KPNA1: variants seen among roughly 807,000 people sequenced by gnomAD.
KPNA1 encodes the protein importin subunit alpha-5.
In KPNA1, 10 loss-of-function variants were observed where a neutral mutation model predicts 70.5. The observed-to-expected ratio is 0.14, with a 90% CI of 0.09 to 0.24. KPNA1 has a LOEUF of 0.24. Ranked by LOEUF, KPNA1 falls within the 10% of genes least tolerant of loss-of-function variation. The probability of loss-of-function intolerance (pLI) is 1.00; values close to 1 mark genes in which losing one functional copy is unlikely to be tolerated. For synonymous variants in KPNA1, 192 were observed against 221.9 expected, an observed-to-expected ratio of 0.87 and a Z score of 1.20; for missense variants, 397 against 637.9, an observed-to-expected ratio of 0.62 and a Z score of 4.07.
chr3:122,504,096 T>C (rs144062606), intron 1 of KPNA1, among the ~76,000 whole-genome samples: 62 of 152,354 alleles, frequency 4.1e-4, no homozygotes, highest in African/African-American at 1.4e-3. Context: ...ATGTAAACCA[T>C]GGACTTAGAG....
At chr3:122,439,557 A>G (rs988069148) in intron 10 of KPNA1, among the ~76,000 whole-genome samples, 4 of 150,884 alleles carry the variant, frequency 2.7e-5, no homozygotes, top group African/African-American at 9.7e-5. Context: ...AATGAGACTA[A>G]AATCTTAAGG....
At chr3:122,496,414 A>T (rs772892045) in intron 2 of KPNA1, 23 bp downstream of exon 2, 2 of 1,604,828 alleles carry the variant, frequency 1.2e-6, no homozygotes, top group South Asian at 2.2e-5. Flanking sequence ...TTTAAAAGAA[A>T]TGAATAAAGG....
chr3:122,510,837 A>C (rs1418517445), intron 1 of KPNA1, among the ~76,000 whole-genome samples: 1 of 152,202 alleles, frequency 6.6e-6, no homozygotes, highest in African/African-American at 2.4e-5. Flanking sequence ...CAGGTATTCT[A>C]ATTCCAAAAT....
intron 2 of KPNA1, 89 bp downstream of exon 2, chr3:122,496,348 A>ACACACACACACACC (rs958829617): frequency 2.7e-5 from 32 of 1,193,540 alleles, no homozygotes; most frequent in African/African-American, 2.4e-4. Context: ...ACACACACAC[A>ACACACACACACACC]CCCCAACTTT....
At chr3:122,459,653 G>A (rs775543701) in intron 5 of KPNA1, 77 of 985,258 alleles carry the variant, frequency 7.8e-5, no homozygotes, top group Non-Finnish European at 9.2e-5. Context: ...GGCCTTAGAT[G>A]GGGACCAGAA....
chr3:122,452,497 A>AGATGGAAG (rs1447114257), intron 6 of KPNA1, among the ~76,000 whole-genome samples: 4 of 120,832 alleles, frequency 3.3e-5, no homozygotes, highest in African/African-American at 1.2e-4. Context: ...TGACAGGGAC[A>AGATGGAAG]GACGGAAGGA....
At chr3:122,434,544 A>G (rs1160113579) in intron 11 of KPNA1, among the ~76,000 whole-genome samples, 2 of 152,146 alleles carry the variant, frequency 1.3e-5, no homozygotes, top group African/African-American at 4.8e-5. Flanking sequence ...CGCTATATCA[A>G]GTTTCCTTTT....
At chr3:122,473,507 A>G (rs540272134) in intron 2 of KPNA1, among the ~76,000 whole-genome samples, 1 of 152,346 alleles carries the variant, frequency 6.6e-6, no homozygotes, top group African/African-American at 2.4e-5. Context: ...AACAATGTAT[A>G]AAACGAATCA....
intron 2 of KPNA1, among the ~76,000 whole-genome samples, chr3:122,480,159 T>G (rs1052519280): frequency 1.3e-5 from 2 of 151,670 alleles, no homozygotes; most frequent in African/African-American, 4.8e-5. Flanking sequence ...TTGTAGGAGG[T>G]TGGGGAAAGG....
chr3:122,424,670 G>A lies in KPNA1; in HGVS notation c.*2315C>T, dbSNP rs1311997722. 1 of 152,518 alleles carries A rather than the reference G, an allele frequency of 6.6e-6. No individual in the cohort carries two copies. The highest frequency in any genetic ancestry group is 1.5e-5 in the Non-Finnish European group (1 of 68,020). 9.4% of individuals were successfully genotyped at this position (152,518 alleles called of 1,614,324 possible). A position where few individuals can be genotyped will look rare whatever the true frequency, so the allele number is the denominator to read the frequency against. ...ATGCACACTACTCTTCCTAATGTGG[G>A]GAGACAACTGTGTGCTTTGTATCTT... On this transcript the variant is annotated 3_prime_UTR_variant, in exon 14 of 14. Coordinates refer to ENST00000344337, the MANE Select transcript of KPNA1 (RefSeq NM_002264.4).
chr3:122,489,853 A>C (rs1186823272), intron 2 of KPNA1, among the ~76,000 whole-genome samples: 1 of 152,192 alleles, frequency 6.6e-6, no homozygotes, highest in Non-Finnish European at 1.5e-5. Context: ...AGTTATATGG[A>C]AACTGTTTGA....
At chr3:122,465,031 T>C (rs978621389) in intron 3 of KPNA1, among the ~76,000 whole-genome samples, 12 of 152,230 alleles carry the variant, frequency 7.9e-5, no homozygotes, top group East Asian at 1.9e-4. Flanking sequence ...TATATATATA[T>C]ACACACATTA....
rs2076393788 is a variant in KPNA1, at chr3:122,467,421, CT to C, written c.137del (p.Lys46SerfsTer42). 1.3e-6 allele frequency: 2 copies of C among 1,597,070 alleles called. No individual in the cohort carries two copies. The highest frequency in any genetic ancestry group is 1.3e-5 in the African/African-American group (1 of 74,500). ...CTTCTGCTGTAGCAACATTTCTCCG[CT>C]TGAATAACTGAAAGATAAAAGATTG... Reference protein sequence around the residue: ...RKQKREEQLFKRRNVATAEEE... With the variant: ...RKQKREEQLFXRRNVATAEEE... On this transcript the variant is annotated frameshift_variant, in exon 3 of 14. Coordinates refer to ENST00000344337, the MANE Select transcript of KPNA1 (RefSeq NM_002264.4). LOFTEE classifies it high-confidence loss of function.
intron 2 of KPNA1, among the ~76,000 whole-genome samples, chr3:122,486,625 T>C (rs962597384): frequency 2.0e-5 from 3 of 152,044 alleles, no homozygotes; most frequent in African/African-American, 4.8e-5. Context: ...TCTCGCTCTG[T>C]CGCCCAGGCT....
chr3:122,432,746 T>C (rs964552755), intron 12 of KPNA1: 1 of 152,162 alleles, frequency 6.6e-6, no homozygotes, highest in African/African-American at 2.4e-5. Flanking sequence ...TTTGAAGAAC[T>C]GATTCCCATC....
chr3:122,451,852 T>C (rs2076205867), intron 7 of KPNA1, 124 bp downstream of exon 7: 6 of 722,602 alleles, frequency 8.3e-6, no homozygotes, highest in Admixed American at 3.0e-5. Flanking sequence ...CAAGAAAATA[T>C]CTGGAATTAA....
chr3:122,492,121 A>C (rs2076707298), intron 2 of KPNA1, among the ~76,000 whole-genome samples: 1 of 151,658 alleles, frequency 6.6e-6, no homozygotes, highest in African/African-American at 2.4e-5. Flanking sequence ...CGGCCTCCCA[A>C]AGTGCTGGGA....
chr3:122,451,599 G>T lies in KPNA1; in HGVS notation c.688C>A (p.Arg230=). The T allele has an allele frequency of 6.2e-7, 1 of 1,613,914 alleles. No homozygotes were observed. The highest frequency in any genetic ancestry group is 8.5e-7 in the Non-Finnish European group (1 of 1,179,938). ...TTAGACAAAGCCCATACTGCATTCC[G>T]GGTCATGGTCAGGCGGTTTTGCTTT... ...FSKQNRLTMT[R]NAVWALSNLC... Residue 230 remains arginine (R), a synonymous_variant, in exon 8 of 14, where the codon CGG becomes AGG. Transcript: ENST00000344337.
chr3:122,487,119 G>C (rs150057925), intron 2 of KPNA1, among the ~76,000 whole-genome samples: 2 of 152,228 alleles, frequency 1.3e-5, no homozygotes, highest in East Asian at 3.9e-4. Flanking sequence ...TAAAACTTGA[G>C]GTAAAAAGCT....
Sources: gnomAD v4.1 joint callset for allele counts (sites outside exome capture counted in the v4.1 genomes callset) on GRCh38, gnomAD v4.1.1 for gene constraint, MANE v1.5 for transcripts, NCBI Gene and HGNC (gene_info 2026-07-23, HGNC 2026-07-21) for gene names.